The following CAMTA1 variants were observed in gnomAD, a reference collection of about 807,000 sequenced individuals.
CAMTA1 encodes the protein calmodulin binding transcription activator 1, also known as calmodulin-binding transcription activator 1.
A neutral mutation model predicts 170.9 loss-of-function variants in CAMTA1; 27 were observed. That is an observed-to-expected ratio of 0.16 (90% CI 0.12 to 0.22). The LOEUF (loss-of-function observed/expected upper bound fraction) is 0.22, where lower values mean the gene tolerates loss of function less well. Among genes scored for constraint, CAMTA1 ranks in the 10% least tolerant of loss-of-function variants. CAMTA1 has a pLI of 1.00. For synonymous variants in CAMTA1, 833 were observed against 891.5 expected (o/e 0.93, Z 1.17); for missense variants, 1,619 against 2,217.2 (o/e 0.73, Z 5.42).
At chr1:7,449,974 G>C (rs752805596) in intron 5 of CAMTA1, among the ~76,000 whole-genome samples, 4 of 152,026 alleles carry the variant, frequency 2.6e-5, no homozygotes, top group Non-Finnish European at 5.9e-5. Context: ...AGGGAGGAGA[G>C]GGGCAGGGTT....
chr1:7,575,395 C>T (rs1279406738), intron 6 of CAMTA1, among the ~76,000 whole-genome samples: 2 of 152,190 alleles, frequency 1.3e-5, no homozygotes, highest in East Asian at 3.9e-4. Context: ...CAGACGTCCT[C>T]CCAGAACACA....
chr1:7,233,408 C>A (rs1313869879), intron 4 of CAMTA1, among the ~76,000 whole-genome samples: 1 of 152,174 alleles, frequency 6.6e-6, no homozygotes, highest in African/African-American at 2.4e-5. Flanking sequence ...GCAGGAATGG[C>A]TGGTCCTCTT....
intron 4 of CAMTA1, among the ~76,000 whole-genome samples, chr1:7,232,484 T>C (rs944548517): frequency 1.3e-5 from 2 of 152,258 alleles, no homozygotes; most frequent in East Asian, 3.8e-4. Context: ...ACAGAATTCC[T>C]ATCTTGGGTT....
intron 3 of CAMTA1, among the ~76,000 whole-genome samples, chr1:7,059,863 C>T (rs1707939820): frequency 6.6e-6 from 1 of 152,142 alleles, no homozygotes; most frequent in African/African-American, 2.4e-5. Context: ...GGATCTAAAT[C>T]TCACAAAATG....
chr1:7,528,832 T>C (rs1376886481), intron 6 of CAMTA1, among the ~76,000 whole-genome samples: 4 of 146,328 alleles, frequency 2.7e-5, no homozygotes, highest in African/African-American at 1.0e-4. Context: ...AATGAATGAA[T>C]GAATGAAGTG....
intron 3 of CAMTA1, among the ~76,000 whole-genome samples, chr1:6,964,984 C>T (rs1304340849): frequency 6.6e-6 from 1 of 152,084 alleles, no homozygotes; most frequent in African/African-American, 2.4e-5. Flanking sequence ...GAGCCCTCCT[C>T]CAAGGGTCGC....
intron 11 of CAMTA1, among the ~76,000 whole-genome samples, chr1:7,679,602 G>A (rs2096165823): frequency 6.7e-6 from 1 of 148,318 alleles, no homozygotes; most frequent in Admixed American, 6.7e-5. Context: ...TTTGAGCTCT[G>A]AACTCTGTGG....
Position 7,024,130 on chromosome 1 carries a change from C to T in CAMTA1, c.235-67174C>T, listed in dbSNP as rs144727457. 3.4e-3 allele frequency among the ~76,000 whole-genome samples: 511 copies of T among 151,758 alleles called. 4 individuals are homozygous for T. The highest frequency in any genetic ancestry group is 0.012 in the African/African-American group (483 of 41,308). ...GAACTGTGGTTTAGGGAAGTAAAGG[C>T]GGAAAATGTGCACATGAAGGTCCAG... On this transcript the variant is annotated intron_variant, in intron 3 of 22. Coordinates refer to ENST00000303635, the MANE Select transcript of CAMTA1 (RefSeq NM_015215.4).
intron 3 of CAMTA1, among the ~76,000 whole-genome samples, chr1:6,850,440 T>A (rs746580321): frequency 1.3e-5 from 2 of 152,152 alleles, no homozygotes; most frequent in Non-Finnish European, 2.9e-5. Flanking sequence ...TTCCAAAATT[T>A]TGATAAAATG....
At chr1:6,882,540 ATTC>A (rs1295108852) in intron 3 of CAMTA1, among the ~76,000 whole-genome samples, 5 of 152,180 alleles carry the variant, frequency 3.3e-5, no homozygotes, top group East Asian at 3.8e-4. Flanking sequence ...GAAGAATGCT[ATTC>A]TTCTTTACTG....
Position 7,757,556 on chromosome 1 carries a change from C to A in CAMTA1, c.4989+1888C>A, listed in dbSNP as rs2096939730. Among the ~76,000 whole-genome samples the A allele has an allele frequency of 4.6e-5, 7 of 152,252 alleles. No homozygotes were observed. In the South Asian group the frequency reaches 1.5e-3, roughly 32 times the overall value. On this transcript the variant is annotated intron_variant, in intron 22 of 22. Coordinates refer to ENST00000303635, the MANE Select transcript of CAMTA1 (RefSeq NM_015215.4). ...CCGAGGCAGCCGGATCACTTGAGGTCAGGAGTTCGAGACCAGCCTGGCCAA... is the reference window on the plus strand; with the variant it reads ...CCGAGGCAGCCGGATCACTTGAGGTAAGGAGTTCGAGACCAGCCTGGCCAA...
chr1:7,523,973 C>T lies in CAMTA1; in HGVS notation c.510+56072C>T, dbSNP rs560594641. Reference sequence around the variant, plus strand: ...ATCCCAGCACTTTGGGAAGCTGAGGCGGGTGGATCACAAGGTCAGGAGTTT... The same window carrying T: ...ATCCCAGCACTTTGGGAAGCTGAGGTGGGTGGATCACAAGGTCAGGAGTTT... On this transcript the variant is annotated intron_variant, in intron 6 of 22. Coordinates refer to ENST00000303635, the MANE Select transcript of CAMTA1 (RefSeq NM_015215.4). 6.6e-5 allele frequency among the ~76,000 whole-genome samples: 10 copies of T among 152,120 alleles called. No individual in the cohort carries two copies. In the South Asian group the frequency reaches 2.1e-3, roughly 32 times the overall value.
chr1:7,766,401 C>G, intron 22 of CAMTA1, 58 bp from the exon 23 acceptor site: 1 of 1,564,716 alleles, frequency 6.4e-7, no homozygotes, highest in Non-Finnish European at 8.8e-7. Context: ...CTTTCCTTTA[C>G]TTGGTCACAA....
chr1:7,276,013 G>A (rs895707603), intron 5 of CAMTA1, among the ~76,000 whole-genome samples: 1 of 151,754 alleles, frequency 6.6e-6, no homozygotes, highest in African/African-American at 2.4e-5. Context: ...CAAATGGAAT[G>A]CAGCTATAAG....
rs77932760 is a variant in CAMTA1 at position 7,732,016 on chromosome 1, C to CTTT, written c.2915-421_2915-419dup. Among the ~76,000 whole-genome samples the CTTT allele has an allele frequency of 1.5e-4, 22 of 143,322 alleles. No individual in the cohort carries two copies. The highest frequency in any genetic ancestry group is 3.0e-4 in the Non-Finnish European group (20 of 65,738). The allele number at this position is 143,322 out of a possible 152,430, so 94.0% of individuals were successfully genotyped here. A position where few individuals can be genotyped will look rare whatever the true frequency, so the allele number is the denominator to read the frequency against. On this transcript the variant is annotated intron_variant, in intron 11 of 22. Transcript: ENST00000303635. The surrounding 1 kb of genome is among the most constrained non-coding windows in gnomAD (Gnocchi z 4.1). ...AGTGTTTTGGTAAAAGATATACTAC[C>CTTT]TTTTTTTTTTTTTGTCTAACATACC...
At chr1:7,563,272 G>C (rs2094985472) in intron 6 of CAMTA1, among the ~76,000 whole-genome samples, 1 of 152,222 alleles carries the variant, frequency 6.6e-6, no homozygotes, top group Non-Finnish European at 1.5e-5. Context: ...GCAGCTGCTA[G>C]AAGCGAACCT....
At chr1:7,150,419 G>C (rs1410591688) in intron 4 of CAMTA1, among the ~76,000 whole-genome samples, 1 of 152,120 alleles carries the variant, frequency 6.6e-6, no homozygotes, top group Non-Finnish European at 1.5e-5. Context: ...AGATGGGGAG[G>C]GGAGATGCTT....
rs533506646 is a variant in CAMTA1 at position 7,547,829 on chromosome 1, G to GT, written c.510+79928_510+79929insT. ...CTCACATCTCTGCCACCCCATGTGG[G>GT]CCCCCTCCAAACCCAGACTCTGACA... On this transcript the variant is annotated intron_variant, in intron 6 of 22. Transcript: ENST00000303635. This position sits in a 1 kb window ranked among gnomAD's most constrained non-coding sequence, Gnocchi z 5.7. 4.0e-5 allele frequency among the ~76,000 whole-genome samples: 6 copies of GT among 151,898 alleles called. No individual in the cohort carries two copies. The East Asian group carries it at 7.8e-4, about 20-fold the overall frequency.
intron 22 of CAMTA1, among the ~76,000 whole-genome samples, chr1:7,765,464 G>A (rs764701899): frequency 3.0e-4 from 45 of 152,120 alleles, no homozygotes; most frequent in Non-Finnish European, 1.3e-4. Context: ...ATTTAAATTT[G>A]TTTACTACAG....
Sources: allele counts gnomAD v4.1 joint callset (sites outside exome capture counted in the v4.1 genomes callset), GRCh38; gene constraint gnomAD v4.1.1; non-coding constraint Gnocchi (gnomAD v3.1); transcripts MANE v1.5; gene names NCBI Gene and HGNC (gene_info 2026-07-23, HGNC 2026-07-21).